CPNE1: variants seen among roughly 807,000 people sequenced by gnomAD.
CPNE1 encodes the protein copine-1.
A neutral mutation model predicts 63.2 loss-of-function variants in CPNE1; 58 were observed. The observed-to-expected ratio is 0.92, with a 90% CI of 0.74 to 1.14. The LOEUF (loss-of-function observed/expected upper bound fraction) is 1.14, where lower values mean the gene tolerates loss of function less well. Among genes scored for constraint, CPNE1 ranks in the 50% most tolerant of loss-of-function variants. The pLI, the probability that CPNE1 is intolerant of heterozygous loss-of-function variation, is 0.00. For missense variants in CPNE1, 672 were observed against 661.7 expected (o/e 1.02, Z -0.17); for synonymous variants, 237 against 249.0 (o/e 0.95, Z 0.45).
intron 1 of CPNE1, among the ~76,000 whole-genome samples, chr20:35,639,510 T>C (rs1002980412): frequency 6.6e-6 from 1 of 152,128 alleles, no homozygotes; most frequent in Non-Finnish European, 1.5e-5. Context: ...CTAATTTTCA[T>C]ATTTTTGTAG....
chr20:35,643,751 A>G (rs188807859), intron 1 of CPNE1, among the ~76,000 whole-genome samples: 3 of 152,172 alleles, frequency 2.0e-5, no homozygotes, highest in Admixed American at 2.0e-4. Flanking sequence ...AAAACAACAA[A>G]GTAAGTTCAG....
At chr20:35,654,683 C>T (rs955344319) in intron 1 of CPNE1, 1 of 1,613,440 alleles carries the variant, frequency 6.2e-7, no homozygotes, top group Non-Finnish European at 8.5e-7. Context: ...AATGTAGGTA[C>T]TGGAGGAGGA....
At chr20:35,653,786 T>C in intron 1 of CPNE1, 1 of 1,614,048 alleles carries the variant, frequency 6.2e-7, no homozygotes, top group Non-Finnish European at 8.5e-7. Flanking sequence ...ATATCTATCT[T>C]TTCTAGCATA....
At chr20:35,655,108 A>G in intron 1 of CPNE1, 1 of 1,614,152 alleles carries the variant, frequency 6.2e-7, no homozygotes, top group East Asian at 2.2e-5. Context: ...ACTACTCAAC[A>G]ATAGTGTTAC....
In CPNE1 at chr20:35,631,795, G is replaced by C; in HGVS notation, c.538-18C>G. 1 of 1,607,090 alleles carries C rather than the reference G, an allele frequency of 6.2e-7. No individual in the cohort carries two copies. Among genetic ancestry groups the C allele is most frequent in the Admixed American group, 1.7e-5 (1 of 59,990 alleles). On this transcript the variant is annotated intron_variant, in intron 6 of 15. Coordinates refer to ENST00000397443, the MANE Select transcript of CPNE1 (RefSeq NM_152925.3). Reference sequence around the variant, plus strand: ...TTGATGACCTGAAGGTGGAGGCCAAGGCCTCCAGTGAGCTCTGGCATGGCC... The same window carrying C: ...TTGATGACCTGAAGGTGGAGGCCAACGCCTCCAGTGAGCTCTGGCATGGCC...
chr20:35,659,020 A>C, intron 1 of CPNE1: 1 of 717,074 alleles, frequency 1.4e-6, no homozygotes, highest in Non-Finnish European at 2.6e-6. Flanking sequence ...TTAGACTGCA[A>C]TAGAGAATAA....
At position 35,632,666 on chromosome 20, in the gene CPNE1, A is replaced by G. The variant is rs777447111; in HGVS notation, c.160T>C (p.Ser54Pro). ...LGRTERVRNC[S>P]SPEFSKTLQL... ...AGAGTCTTGGAGAACTCAGGGCTTG[A>G]GCAGTTCCGCACCCGTTCAGTCCGG... Residue 54 changes from serine (S) to proline (P), a missense_variant, in exon 3 of 16, where the codon TCA (serine) becomes CCA (proline). Transcript: ENST00000397443. 2.4e-6 allele frequency: 3 copies of G among 1,253,718 alleles called. No homozygotes were observed. Among genetic ancestry groups the G allele is most frequent in the Non-Finnish European group, 3.5e-6 (3 of 850,830 alleles). 77.7% of individuals were successfully genotyped at this position (1,253,718 alleles called of 1,614,324 possible). A position where few individuals can be genotyped will look rare whatever the true frequency, so the allele number is the denominator to read the frequency against.
chr20:35,643,398 T>C (rs2032928629), intron 1 of CPNE1: 1 of 152,010 alleles, frequency 6.6e-6, no homozygotes, highest in South Asian at 2.1e-4. Flanking sequence ...GCGGAGTGGG[T>C]GTTTTTCTCT....
chr20:35,641,361 T>G (rs903583381), intron 1 of CPNE1, among the ~76,000 whole-genome samples: 4 of 152,220 alleles, frequency 2.6e-5, no homozygotes, highest in Non-Finnish European at 5.9e-5. Context: ...CCTTTTTATA[T>G]TGTTGCAATC....
intron 1 of CPNE1, chr20:35,654,456 G>A (rs757734233): frequency 2.5e-6 from 4 of 1,614,210 alleles, no homozygotes; most frequent in East Asian, 4.5e-5. Flanking sequence ...TGCTCTGAGA[G>A]TTCATCTGGA....
Position 35,627,411 on chromosome 20 carries a change from T to C in CPNE1, c.1105A>G (p.Ile369Val). ...FNPSNPYCAG[I>V]QGIVDAYRQA... ...CGGTAGGCATCCACAATGCCCTGGATGCCTGCAGAGGAGAGCAAGAAATAC... is the reference window on the plus strand; with the variant it reads ...CGGTAGGCATCCACAATGCCCTGGACGCCTGCAGAGGAGAGCAAGAAATAC... Residue 369 changes from isoleucine to valine, a missense_variant and splice_region_variant, in exon 14 of 16, where the codon ATC (isoleucine) becomes GTC (valine). Coordinates refer to ENST00000397443, the MANE Select transcript of CPNE1 (RefSeq NM_152925.3). 1 of 1,613,912 alleles carries C rather than the reference T, an allele frequency of 6.2e-7. No homozygotes were observed. The highest frequency in any genetic ancestry group is 8.5e-7 in the Non-Finnish European group (1 of 1,179,964).
intron 1 of CPNE1, chr20:35,652,643 CT>C (rs2033600624): frequency 6.2e-7 from 1 of 1,614,012 alleles, no homozygotes; most frequent in African/African-American, 1.3e-5. Context: ...GTGGGCATAC[CT>C]TTTTCATTGT....
chr20:35,658,802 A>AACAC (rs10542710), intron 1 of CPNE1: 9,397 of 472,958 alleles, frequency 0.02, 122 homozygotes, highest in African/African-American at 0.075. Flanking sequence ...AGCAAACAAA[A>AACAC]ACACACACAC....
At position 35,652,353 on chromosome 20, in the gene CPNE1, C is replaced by T. The variant is rs186746830; in HGVS notation, c.-1+12407G>A. ...ACTGTAACATACAGCAATGTTTATC[C>T]TGGTGAGTGAGTCTTCTGTAAACAG... On this transcript the variant is annotated intron_variant, in intron 1 of 15. Transcript: ENST00000397443. The T allele has an allele frequency of 3.5e-4, 245 of 705,162 alleles. 1 individual carries two copies. The highest frequency in any genetic ancestry group is 2.7e-3 in the African/African-American group (150 of 55,786). 43.7% of individuals were successfully genotyped at this position (705,162 alleles called of 1,614,324 possible).
At position 35,644,190 on chromosome 20, in the gene CPNE1, CA is replaced by C. The variant is rs545422097; in HGVS notation, c.1-11268del. Among the ~76,000 whole-genome samples, 6 of 152,274 alleles carry C rather than the reference CA, an allele frequency of 3.9e-5. No homozygotes were observed. In the South Asian group the frequency reaches 8.3e-4, roughly 21 times the overall value. On this transcript the variant is annotated intron_variant, in intron 1 of 15. Transcript: ENST00000397443. ...AACTGTCCCTGTAGGTGCTCACAAA[CA>C]GGGAAGTGCACCTTTGGGTCCTTCT...
chr20:35,632,589 A>G lies in CPNE1; in HGVS notation c.237T>C (p.Tyr79=). The stretch of plus-strand genomic sequence containing the variant: ...GCTCTGGCGTCTTGTTGTCTATGTC[A>G]TAGATTCCAAAGCGTAGCTTCTGGA... The part of the protein sequence containing the change: ...ETVQKLRFGI[Y]DIDNKTPELR... Residue 79 remains tyrosine, a synonymous_variant, in exon 3 of 16, where the codon TAT becomes TAC. Coordinates refer to ENST00000397443, the MANE Select transcript of CPNE1 (RefSeq NM_152925.3). The G allele has an allele frequency of 6.2e-7, 1 of 1,612,794 alleles. No homozygotes were observed. The highest frequency in any genetic ancestry group is 8.5e-7 in the Non-Finnish European group (1 of 1,178,758).
At chr20:35,652,385 A>T in intron 1 of CPNE1, 1 of 957,038 alleles carries the variant, frequency 1.0e-6, no homozygotes, top group Non-Finnish European at 1.5e-6. Flanking sequence ...ACAGTCAACC[A>T]ATGCTCTATG....
chr20:35,641,345 AG>A (rs764546244), intron 1 of CPNE1, among the ~76,000 whole-genome samples: 7 of 152,120 alleles, frequency 4.6e-5, no homozygotes, highest in Non-Finnish European at 1.0e-4. Flanking sequence ...CTCTTTGAAA[AG>A]CCCCCCTTTT....
chr20:35,659,169 A>T (rs2034090092), intron 1 of CPNE1, among the ~76,000 whole-genome samples: 1 of 152,102 alleles, frequency 6.6e-6, no homozygotes, highest in African/African-American at 2.4e-5. Context: ...AGACACCGTA[A>T]CAAAATCCCA....
Sources: gnomAD v4.1 joint callset for allele counts (sites outside exome capture counted in the v4.1 genomes callset) on GRCh38, gnomAD v4.1.1 for gene constraint, MANE v1.5 for transcripts, NCBI Gene and HGNC (gene_info 2026-07-23, HGNC 2026-07-21) for gene names.